Variants in HSD17B2 observed in about 807,000 individuals in gnomAD.
The protein encoded by HSD17B2 is hydroxysteroid 17-beta dehydrogenase 2, also known as 17-beta-hydroxysteroid dehydrogenase type 2.
A neutral mutation model predicts 26.9 loss-of-function variants in HSD17B2; 32 were observed. That is an observed-to-expected ratio of 1.19 (90% CI 0.90 to 1.60). The LOEUF is 1.60. HSD17B2 is among the 40% of genes most tolerant of loss of function. HSD17B2 has a pLI of 0.00. For synonymous variants in HSD17B2, 246 were observed against 186.7 expected, an observed-to-expected ratio of 1.32 and a Z score of -2.59; for missense variants, 613 against 468.6, an observed-to-expected ratio of 1.31 and a Z score of -2.85.
chr16:82,090,521 G>A (rs1904660820), intron 3 of HSD17B2, among the ~76,000 whole-genome samples: 1 of 151,902 alleles, frequency 6.6e-6, no homozygotes, highest in Non-Finnish European at 1.5e-5. Flanking sequence ...GCTTCACCAT[G>A]TTGGCCAGGT....
At chr16:82,084,549 T>C (rs1296517408) in intron 3 of HSD17B2, among the ~76,000 whole-genome samples, 1 of 137,206 alleles carries the variant, frequency 7.3e-6, no homozygotes, top group Non-Finnish European at 1.7e-5. Flanking sequence ...ACTGTTCTTT[T>C]TATTATTATT....
chr16:82,053,459 T>C (rs1914169854), intron 1 of HSD17B2, among the ~76,000 whole-genome samples: 1 of 152,076 alleles, frequency 6.6e-6, no homozygotes, highest in Non-Finnish European at 1.5e-5. Flanking sequence ...TTATTTATTA[T>C]TAAAGTAGCA....
At chr16:82,040,379 T>C (rs1913735557) in intron 1 of HSD17B2, among the ~76,000 whole-genome samples, 1 of 152,224 alleles carries the variant, frequency 6.6e-6, no homozygotes, top group Admixed American at 6.5e-5. Context: ...AACCTTTACA[T>C]GCATTTTATA....
chr16:82,090,789 T>G, intron 3 of HSD17B2, 113 bp from the exon 4 acceptor site: 1 of 1,045,012 alleles, frequency 9.6e-7, no homozygotes, highest in Non-Finnish European at 1.4e-6. Context: ...TGCCTTTGTC[T>G]GCCCAAGTCA....
intron 2 of HSD17B2, 147 bp downstream of exon 2, chr16:82,068,529 G>T (rs1914626256): frequency 1.5e-6 from 1 of 656,370 alleles, no homozygotes; most frequent in Non-Finnish European, 2.6e-6. Flanking sequence ...CATGTGTGGG[G>T]GCCTCTATCA....
chr16:82,096,729 C>CA (rs1178912637), intron 4 of HSD17B2: 4 of 152,094 alleles, frequency 2.6e-5, no homozygotes, highest in Non-Finnish European at 4.4e-5. Flanking sequence ...AAAATAAGCG[C>CA]AGTGCCCATC....
At chr16:82,041,226 C>T (rs754057503) in intron 1 of HSD17B2, among the ~76,000 whole-genome samples, 6 of 152,186 alleles carry the variant, frequency 3.9e-5, no homozygotes, top group African/African-American at 7.2e-5. Flanking sequence ...TCTCTCAGCA[C>T]GTTAGGCCTA....
At chr16:82,082,429 C>T (rs919907677) in intron 3 of HSD17B2, among the ~76,000 whole-genome samples, 114 of 152,280 alleles carry the variant, frequency 7.5e-4, no homozygotes, top group African/African-American at 2.7e-3. Context: ...AATATAACCA[C>T]ATTTTAAAAA....
chr16:82,084,978 C>A (rs1360452738), intron 3 of HSD17B2, among the ~76,000 whole-genome samples: 1 of 152,216 alleles, frequency 6.6e-6, no homozygotes, highest in Non-Finnish European at 1.5e-5. Flanking sequence ...CTTGTCTTGG[C>A]CTCCCAATGT....
At chr16:82,047,213 C>G (rs750058230) in intron 1 of HSD17B2, among the ~76,000 whole-genome samples, 19 of 152,242 alleles carry the variant, frequency 1.2e-4, no homozygotes, top group Non-Finnish European at 2.1e-4. Flanking sequence ...AAGCTTGTCA[C>G]TGTTTTCCAA....
At chr16:82,084,478 T>C (rs913886993) in intron 3 of HSD17B2, among the ~76,000 whole-genome samples, 1 of 152,128 alleles carries the variant, frequency 6.6e-6, no homozygotes, top group Admixed American at 6.5e-5. Flanking sequence ...ATATAGGAAA[T>C]ATCCAAGTAA....
chr16:82,071,463 C>T (rs936381784), intron 3 of HSD17B2: 2 of 387,880 alleles, frequency 5.2e-6, no homozygotes, highest in African/African-American at 4.1e-5. Flanking sequence ...TTCAGGCAAC[C>T]TGTTTTCAAC....
At chr16:82,092,295 C>T (rs1044007888) in intron 4 of HSD17B2, 1 of 152,098 alleles carries the variant, frequency 6.6e-6, no homozygotes, top group African/African-American at 2.4e-5. Context: ...AGGAGAAGGC[C>T]CTTCTCTCCA....
intron 1 of HSD17B2, among the ~76,000 whole-genome samples, chr16:82,040,764 A>G (rs1451713306): frequency 6.6e-6 from 1 of 152,226 alleles, no homozygotes; most frequent in Non-Finnish European, 1.5e-5. Context: ...GAGACATGCC[A>G]TGTGCTAAGC....
chr16:82,070,084 A>C (rs1254705275), intron 2 of HSD17B2, among the ~76,000 whole-genome samples: 1 of 152,198 alleles, frequency 6.6e-6, no homozygotes. Context: ...GTTATCTATC[A>C]GACATCTTCC....
intron 1 of HSD17B2, among the ~76,000 whole-genome samples, chr16:82,042,057 C>CA (rs1913781808): frequency 6.6e-6 from 1 of 150,892 alleles, no homozygotes; most frequent in East Asian, 1.9e-4. Context: ...GGCTGGAGTG[C>CA]AGTGGTGCGA....
chr16:82,055,823 G>A (rs539490457), intron 1 of HSD17B2, among the ~76,000 whole-genome samples: 1 of 152,286 alleles, frequency 6.6e-6, no homozygotes, highest in South Asian at 2.1e-4. Flanking sequence ...ATAACACAAT[G>A]CTCTGGTGTG....
rs1262270130 is a variant in HSD17B2 at position 82,068,068 on chromosome 16, G to A, written c.266-102G>A. 14 of 1,055,594 alleles carry A rather than the reference G, an allele frequency of 1.3e-5. No individual in the cohort carries two copies. The Admixed American group carries it at 2.0e-4, about 15-fold the overall frequency. The allele number at this position is 1,055,594 out of a possible 1,614,324, so 65.4% of individuals were successfully genotyped here. On this transcript the variant is annotated intron_variant, in intron 1 of 4. Transcript: ENST00000199936. ...TTCCTCAGGAACCCCTCTCTTCAGAGAGCATGGAGAATCGTAAACAACGTA... is the reference window on the plus strand; with the variant it reads ...TTCCTCAGGAACCCCTCTCTTCAGAAAGCATGGAGAATCGTAAACAACGTA...
intron 1 of HSD17B2, among the ~76,000 whole-genome samples, chr16:82,066,732 A>G (rs772247613): frequency 1.1e-4 from 16 of 151,964 alleles, no homozygotes; most frequent in Middle Eastern, 3.2e-3. Context: ...ATTGGATTTT[A>G]TTAATTATTA....
Sources: gnomAD v4.1 joint callset for allele counts (sites outside exome capture counted in the v4.1 genomes callset) on GRCh38, gnomAD v4.1.1 for gene constraint, MANE v1.5 for transcripts, NCBI Gene and HGNC (gene_info 2026-07-23, HGNC 2026-07-21) for gene names.